Variants in LUC7L3 observed in about 807,000 individuals in gnomAD.
LUC7L3 encodes the protein LUC7 like 3 pre-mRNA splicing factor, also known as luc7-like protein 3.
Under a neutral mutation model 66.8 loss-of-function variants are expected in LUC7L3, and 6 were observed. The observed-to-expected ratio is 0.09, with a 90% CI of 0.05 to 0.18. The LOEUF (loss-of-function observed/expected upper bound fraction) is 0.18. Among genes scored for constraint, LUC7L3 ranks in the 10% least tolerant of loss-of-function variants. LUC7L3 has a pLI of 1.00. For synonymous variants in LUC7L3, 160 were observed against 174.7 expected, an observed-to-expected ratio of 0.92 and a Z score of 0.66; for missense variants, 341 against 531.1, an observed-to-expected ratio of 0.64 and a Z score of 3.52.
Position 50,751,506 on chromosome 17 carries a change from T to TA in LUC7L3, c.*849dup, listed in dbSNP as rs1567881744. ...TTTTTGTGTATTGCGTGAAAACTTA[T>TA]AAAACAAATGTTAACAGAATGGAAT... On this transcript the variant is annotated 3_prime_UTR_variant, in exon 10 of 10. Transcript: ENST00000505658. 8.5e-7 allele frequency: 1 copy of TA among 1,182,314 alleles called. No homozygotes were observed. Among genetic ancestry groups the TA allele is most frequent in the African/African-American group, 1.6e-5 (1 of 62,136 alleles). 73.2% of individuals were successfully genotyped at this position (1,182,314 alleles called of 1,614,324 possible).
rs1970958468 is a variant in LUC7L3, at chr17:50,751,098, AAT to A, written c.*440_*441del. 6.9e-7 allele frequency: 1 copy of A among 1,442,982 alleles called. No individual in the cohort carries two copies. The highest frequency in any genetic ancestry group is 1.4e-5 in the African/African-American group (1 of 69,794). 89.4% of individuals were successfully genotyped at this position (1,442,982 alleles called of 1,614,324 possible). On this transcript the variant is annotated 3_prime_UTR_variant, in exon 10 of 10. Coordinates refer to ENST00000505658, the MANE Select transcript of LUC7L3 (RefSeq NM_016424.5). ...CAGAGACATATGCTTTAAAAACTTA[AAT>A]ATTTCGGAGGCACATGTTGGACTAC...
chr17:50,728,010 C>T (rs938205330), intron 1 of LUC7L3, among the ~76,000 whole-genome samples: 1 of 150,922 alleles, frequency 6.6e-6, no homozygotes, highest in Non-Finnish European at 1.5e-5. Flanking sequence ...CCCAGCTACT[C>T]GAGAGGCTGA....
chr17:50,746,034 C>G, intron 8 of LUC7L3, 31 bp downstream of exon 8: 1 of 1,556,448 alleles, frequency 6.4e-7, no homozygotes, highest in Non-Finnish European at 8.6e-7. Context: ...GACTGTCCAG[C>G]TCATAATGGG....
At chr17:50,720,377 C>T (rs1011887911) in intron 1 of LUC7L3, among the ~76,000 whole-genome samples, 1 of 152,228 alleles carries the variant, frequency 6.6e-6, no homozygotes, top group Non-Finnish European at 1.5e-5. Context: ...TCTAAGAAGT[C>T]CCTTATAGAG....
At chr17:50,720,034 A>G (rs1261415813) in intron 1 of LUC7L3, among the ~76,000 whole-genome samples, 1 of 152,236 alleles carries the variant, frequency 6.6e-6, no homozygotes, top group East Asian at 1.9e-4. Flanking sequence ...TCTAGTATCA[A>G]GGGGGTCCGG....
At chr17:50,741,290 TG>T (rs1970331171) in intron 4 of LUC7L3, 44 bp downstream of exon 4, 2 of 1,584,546 alleles carry the variant, frequency 1.3e-6, no homozygotes, top group Non-Finnish European at 1.7e-6. Context: ...CCTTGTTTTC[TG>T]GAGATTCAGA....
rs1597876194 is a variant in LUC7L3, at chr17:50,719,624, A to G, written c.-109A>G. 3.4e-6 allele frequency: 3 copies of G among 870,280 alleles called. No homozygotes were observed. Among genetic ancestry groups the G allele is most frequent in the African/African-American group, 1.7e-5 (1 of 58,926 alleles). 53.9% of individuals were successfully genotyped at this position (870,280 alleles called of 1,614,324 possible). On this transcript the variant is annotated 5_prime_UTR_variant, in exon 1 of 10. Coordinates refer to ENST00000505658, the MANE Select transcript of LUC7L3 (RefSeq NM_016424.5). The stretch of plus-strand genomic sequence containing the variant: ...TTTTGTCTTGTCGGCTCCTGTGTGT[A>G]GGAGGGATTTCGGCCTGAGAGCGGG...
At position 50,755,269 on chromosome 17, in the gene LUC7L3, A is replaced by G. The variant is rs1444354585; in HGVS notation, c.*4608A>G. The G allele has an allele frequency of 1.3e-5, 2 of 152,188 alleles. No individual in the cohort carries two copies. Among genetic ancestry groups the G allele is most frequent in the East Asian group, 3.8e-4 (2 of 5,200 alleles). The allele number at this position is 152,188 out of a possible 1,614,324, so 9.4% of individuals were successfully genotyped here. On this transcript the variant is annotated 3_prime_UTR_variant, in exon 10 of 10. Coordinates refer to ENST00000505658, the MANE Select transcript of LUC7L3 (RefSeq NM_016424.5). ...CCTCTGCAGGAGCTTGCTGCTGTTAACAGTTATTCTTCCAAGTTGTTTTCT... is the reference window on the plus strand; with the variant it reads ...CCTCTGCAGGAGCTTGCTGCTGTTAGCAGTTATTCTTCCAAGTTGTTTTCT...
intron 1 of LUC7L3, among the ~76,000 whole-genome samples, chr17:50,728,116 CAAAA>C (rs34210400): frequency 5.4e-4 from 70 of 128,548 alleles, no homozygotes; most frequent in Admixed American, 1.0e-3. Context: ...AGATCTGTCT[CAAAA>C]AAAAAAAAAA....
chr17:50,725,412 A>G (rs1969113522), intron 1 of LUC7L3, among the ~76,000 whole-genome samples: 1 of 151,846 alleles, frequency 6.6e-6, no homozygotes. Context: ...CTCCATTTCA[A>G]AAAAAAAATT....
rs1348652994 is a variant in LUC7L3 at position 50,745,867 on chromosome 17, A to G, written c.841A>G (p.Lys281Glu). ...ACGAAGGGAAGAGGAAGAAAGAGAA[A>G]AAGAAAGGGCTCGTGACAGAGAAAG... Reference protein sequence around the residue: ...KRRREEEEREKERARDRERRK... With the variant: ...KRRREEEEREEERARDRERRK... Residue 281 changes from lysine (K) to glutamate (E), a missense_variant, in exon 8 of 10, where the codon AAA (lysine) becomes GAA (glutamate). Lys to Glu is a moderately conservative substitution (Grantham distance 56). Around this residue, in one of 6 missense-constraint regions of LUC7L3, gnomAD observed 210 missense variants for 238.1 expected, o/e 0.88. Coordinates refer to ENST00000505658, the MANE Select transcript of LUC7L3 (RefSeq NM_016424.5). 1.9e-6 allele frequency: 3 copies of G among 1,604,786 alleles called. No homozygotes were observed. Among genetic ancestry groups the G allele is most frequent in the Non-Finnish European group, 2.6e-6 (3 of 1,173,984 alleles).
intron 1 of LUC7L3, among the ~76,000 whole-genome samples, chr17:50,734,963 G>C (rs149570333): frequency 1.3e-5 from 2 of 152,212 alleles, no homozygotes; most frequent in African/African-American, 2.4e-5. Context: ...GTCTGAGCGC[G>C]GTGAGGCCTG....
At position 50,753,644 on chromosome 17, in the gene LUC7L3, A is replaced by G. The variant is rs1298597622; in HGVS notation, c.*2983A>G. On this transcript the variant is annotated 3_prime_UTR_variant, in exon 10 of 10. Transcript: ENST00000505658. Reference sequence around the variant, plus strand: ...ATAAAATGGGAAGTAAAATCTAACAAACACAAAGATAGCTCCCAGGCACTG... The same window carrying G: ...ATAAAATGGGAAGTAAAATCTAACAGACACAAAGATAGCTCCCAGGCACTG... 8 of 152,192 alleles carry G rather than the reference A, an allele frequency of 5.3e-5. No individual in the cohort carries two copies. In the South Asian group the frequency reaches 1.0e-3, roughly 20 times the overall value. The allele number at this position is 152,192 out of a possible 1,614,324, so 9.4% of individuals were successfully genotyped here. A position where few individuals can be genotyped will look rare whatever the true frequency, so the allele number is the denominator to read the frequency against.
At chr17:50,722,363 A>G (rs1302101512) in intron 1 of LUC7L3, 4 of 151,608 alleles carry the variant, frequency 2.6e-5, no homozygotes, top group African/African-American at 9.7e-5. Flanking sequence ...ACGCCCAGCT[A>G]ATTTTTATAT....
intron 1 of LUC7L3, among the ~76,000 whole-genome samples, chr17:50,725,940 A>G (rs1048016815): frequency 3.3e-5 from 5 of 152,188 alleles, no homozygotes; most frequent in Non-Finnish European, 5.9e-5. Context: ...AAAATTAACT[A>G]TAGTACATAC....
intron 6 of LUC7L3, 74 bp downstream of exon 6, chr17:50,743,884 C>T (rs117810548): frequency 0.01 from 11,212 of 1,089,904 alleles, 104 homozygotes; most frequent in Non-Finnish European, 0.014. Flanking sequence ...ATTTGAGAAC[C>T]TTTGAAAACT....
At chr17:50,733,370 TACAG>T (rs1969754561) in intron 1 of LUC7L3, among the ~76,000 whole-genome samples, 1 of 149,592 alleles carries the variant, frequency 6.7e-6, no homozygotes, top group Admixed American at 6.7e-5. Context: ...TGGCTGGGAC[TACAG>T]GCACCTGCCA....
chr17:50,747,532 C>T (rs1339103013), intron 9 of LUC7L3, among the ~76,000 whole-genome samples: 1 of 152,042 alleles, frequency 6.6e-6, no homozygotes, highest in Non-Finnish European at 1.5e-5. Flanking sequence ...CTCAGCTCTC[C>T]TTGTTTCATT....
chr17:50,746,141 G>C (rs186521164), intron 8 of LUC7L3, 138 bp downstream of exon 8: 2 of 1,310,704 alleles, frequency 1.5e-6, no homozygotes, highest in East Asian at 2.7e-5. Context: ...TGCGAGAGCG[G>C]AATCAGTGAA....
Sources: gnomAD v4.1 joint callset for allele counts (sites outside exome capture counted in the v4.1 genomes callset) on GRCh38, gnomAD v4.1.1 for gene constraint, gnomAD v4.1.1 regional missense constraint, MANE v1.5 for transcripts, NCBI Gene and HGNC (gene_info 2026-07-23, HGNC 2026-07-21) for gene names.